The following EDIL3 variants were observed in gnomAD, a reference collection of about 807,000 sequenced individuals.
EDIL3 encodes the protein EGF like and discoidin domains 3, also known as EGF-like repeat and discoidin I-like domain-containing protein 3.
In EDIL3, 37 loss-of-function variants were observed where a neutral mutation model predicts 67.4. The ratio of observed to expected loss-of-function variants is 0.55; its 90% confidence interval spans 0.42 to 0.72. The LOEUF is 0.72. Among genes scored for constraint, EDIL3 ranks in the 30% least tolerant of loss-of-function variants. EDIL3 has a pLI of 0.00. For synonymous variants in EDIL3, 195 were observed against 196.3 expected (o/e 0.99, Z 0.05); for missense variants, 527 against 586.3 (o/e 0.90, Z 1.04).
In EDIL3 at chr5:83,940,562, T is replaced by A. The variant is rs2112105844; in HGVS notation, c.*2857A>T. Reference sequence around the variant, plus strand: ...CATTCAGACAATTTGTGTATTCTTATAAATGTGTTTAATTACAACTGCTTC... The same window carrying A: ...CATTCAGACAATTTGTGTATTCTTAAAAATGTGTTTAATTACAACTGCTTC... On this transcript the variant is annotated 3_prime_UTR_variant, in exon 11 of 11. Transcript: ENST00000296591. 1 of 152,194 alleles carries A rather than the reference T, an allele frequency of 6.6e-6. No individual in the cohort carries two copies. Among genetic ancestry groups the A allele is most frequent in the Middle Eastern group, 3.4e-3 (1 of 294 alleles). 9.4% of individuals were successfully genotyped at this position (152,194 alleles called of 1,614,324 possible).
chr5:84,194,372 C>G (rs1329405302), intron 3 of EDIL3, among the ~76,000 whole-genome samples: 5 of 151,844 alleles, frequency 3.3e-5, no homozygotes, highest in African/African-American at 1.2e-4. Context: ...CCAGTTTAAA[C>G]CCTTTTACTC....
At chr5:84,256,237 A>T (rs1745122747) in intron 1 of EDIL3, among the ~76,000 whole-genome samples, 1 of 152,034 alleles carries the variant, frequency 6.6e-6, no homozygotes, top group Non-Finnish European at 1.5e-5. Flanking sequence ...CTGTCCTTCT[A>T]GTCCTTGAGT....
At chr5:84,089,509 C>T (rs1265467085) in intron 6 of EDIL3, among the ~76,000 whole-genome samples, 1 of 152,164 alleles carries the variant, frequency 6.6e-6, no homozygotes, top group Non-Finnish European at 1.5e-5. Context: ...TATCCTTGCT[C>T]ATAGGTTCCC....
chr5:84,176,180 A>AAATATATATATATATAT (rs1389163975), intron 4 of EDIL3, among the ~76,000 whole-genome samples: 2 of 88,376 alleles, frequency 2.3e-5, no homozygotes, highest in African/African-American at 1.0e-4. Context: ...CAGTGGTAAA[A>AAATATATATATATATAT]AATATATATA....
At chr5:84,285,435 T>C (rs1489275623) in intron 1 of EDIL3, among the ~76,000 whole-genome samples, 7 of 152,200 alleles carry the variant, frequency 4.6e-5, no homozygotes, top group Non-Finnish European at 7.3e-5. Flanking sequence ...GAAGCATTAC[T>C]AGTTAGAAAG....
chr5:84,358,459 T>C (rs1747531763), intron 1 of EDIL3, among the ~76,000 whole-genome samples: 1 of 152,146 alleles, frequency 6.6e-6, no homozygotes, highest in Admixed American at 6.5e-5. Flanking sequence ...ATTTTGGTTA[T>C]TTGAGGTTAT....
chr5:84,089,005 A>G (rs963909833), intron 6 of EDIL3, among the ~76,000 whole-genome samples: 2 of 152,220 alleles, frequency 1.3e-5, no homozygotes, highest in Non-Finnish European at 2.9e-5. Context: ...TCTTCTCTAG[A>G]GTCCTGCAAA....
chr5:83,998,875 C>T (rs936073125), intron 9 of EDIL3, among the ~76,000 whole-genome samples: 1 of 152,176 alleles, frequency 6.6e-6, no homozygotes, highest in Non-Finnish European at 1.5e-5. Flanking sequence ...AGCACTGTCC[C>T]AGTGGTGGTT....
At chr5:84,197,285 C>G (rs906395907) in intron 3 of EDIL3, among the ~76,000 whole-genome samples, 2 of 151,880 alleles carry the variant, frequency 1.3e-5, no homozygotes, top group African/African-American at 4.8e-5. Flanking sequence ...AAGAGGAATG[C>G]CTAATCCAAT....
At chr5:84,142,263 G>T (rs1236225166) in intron 4 of EDIL3, among the ~76,000 whole-genome samples, 1 of 151,834 alleles carries the variant, frequency 6.6e-6, no homozygotes, top group Non-Finnish European at 1.5e-5. Flanking sequence ...AAACTGTGTG[G>T]CTTCTTCTCA....
intron 4 of EDIL3, among the ~76,000 whole-genome samples, chr5:84,159,040 T>C (rs1056318533): frequency 6.6e-6 from 1 of 152,050 alleles, no homozygotes; most frequent in African/African-American, 2.4e-5. Flanking sequence ...AAAGGAACAA[T>C]GTACATTTTT....
In EDIL3 at chr5:83,942,965, G is replaced by A. The variant is rs1336947256; in HGVS notation, c.*454C>T. The A allele has an allele frequency of 1.8e-5, 3 of 168,734 alleles. No homozygotes were observed. Among genetic ancestry groups the A allele is most frequent in the South Asian group, 1.4e-4 (1 of 7,314 alleles). 10.5% of individuals were successfully genotyped at this position (168,734 alleles called of 1,614,324 possible). A position where few individuals can be genotyped will look rare whatever the true frequency, so the allele number is the denominator to read the frequency against. On this transcript the variant is annotated 3_prime_UTR_variant, in exon 11 of 11. Coordinates refer to ENST00000296591, the MANE Select transcript of EDIL3 (RefSeq NM_005711.5). ...GGTAGGCACAGGGAAACAGGATAAC[G>A]TAGAGTCATTACAGAAGAAAAAAAC...
intron 2 of EDIL3, among the ~76,000 whole-genome samples, chr5:84,230,763 ATGTGTGTGTGTGTGTGTG>A (rs59552122): frequency 7.3e-6 from 1 of 137,130 alleles, no homozygotes; most frequent in Admixed American, 7.3e-5. Flanking sequence ...CCACTACGTG[ATGTGTGTGTGTGTGTGTG>A]TGTGTGTGTG....
chr5:84,195,075 A>G (rs1256183301), intron 3 of EDIL3, among the ~76,000 whole-genome samples: 2 of 151,908 alleles, frequency 1.3e-5, no homozygotes, highest in East Asian at 3.9e-4. Flanking sequence ...TACAAGTAAA[A>G]TATGCTGATT....
intron 9 of EDIL3, among the ~76,000 whole-genome samples, chr5:83,971,198 C>A (rs1744785220): frequency 1.3e-5 from 2 of 151,208 alleles, no homozygotes; most frequent in African/African-American, 2.4e-5. Flanking sequence ...AAATATAGCA[C>A]CTCTCTTATT....
intron 1 of EDIL3, among the ~76,000 whole-genome samples, chr5:84,347,327 G>A (rs1449126045): frequency 1.3e-5 from 2 of 152,160 alleles, no homozygotes; most frequent in Non-Finnish European, 1.5e-5. Context: ...CTTGCATTAT[G>A]AAGGAGAAGA....
In EDIL3 at chr5:84,029,742, A is replaced by G. The variant is rs529162474; in HGVS notation, c.1137+30558T>C. On this transcript the variant is annotated intron_variant, in intron 9 of 10. Transcript: ENST00000296591. Reference sequence around the variant, plus strand: ...GCTGCATTAATTAAAGTCTGTATCTACAAGTCAGAGGCAGGGACATCCTCA... The same window carrying G: ...GCTGCATTAATTAAAGTCTGTATCTGCAAGTCAGAGGCAGGGACATCCTCA... Among the ~76,000 whole-genome samples, 5 of 152,322 alleles carry G rather than the reference A, an allele frequency of 3.3e-5. No homozygotes were observed. The South Asian group carries it at 6.2e-4, about 19-fold the overall frequency.
intron 1 of EDIL3, among the ~76,000 whole-genome samples, chr5:84,325,173 A>C (rs1468660070): frequency 6.6e-6 from 1 of 151,920 alleles, no homozygotes; most frequent in Non-Finnish European, 1.5e-5. Context: ...AAAAGATTCT[A>C]TCAGCGGAGA....
rs34997139 is a variant in EDIL3 at position 84,117,020 on chromosome 5, A to ATTTTTTTTT, written c.470-10199_470-10191dup. Among the ~76,000 whole-genome samples the ATTTTTTTTT allele has an allele frequency of 4.4e-3, 363 of 83,236 alleles. 26 individuals carry two copies. The highest frequency in any genetic ancestry group is 0.013 in the East Asian group (31 of 2,318). 54.6% of individuals were successfully genotyped at this position (83,236 alleles called of 152,430 possible). The stretch of plus-strand genomic sequence containing the variant: ...TATGTAGTATCCAAGTTAAGTACTT[A>ATTTTTTTTT]TTTTTTTTTTTTTTTTTTTTTTTTT... On this transcript the variant is annotated intron_variant, in intron 5 of 10. Transcript: ENST00000296591.
Sources: gnomAD v4.1 joint callset for allele counts (sites outside exome capture counted in the v4.1 genomes callset) on GRCh38, gnomAD v4.1.1 for gene constraint, MANE v1.5 for transcripts, NCBI Gene and HGNC (gene_info 2026-07-23, HGNC 2026-07-21) for gene names.